KDM4C: variants seen among roughly 807,000 people sequenced by gnomAD.
The protein encoded by KDM4C is lysine-specific demethylase 4C.
A neutral mutation model predicts 129.3 loss-of-function variants in KDM4C; 81 were observed. The ratio of observed to expected loss-of-function variants is 0.63; its 90% CI spans 0.52 to 0.75. KDM4C has a LOEUF of 0.75. Among genes scored for constraint, KDM4C ranks in the 30% least tolerant of loss-of-function variants. KDM4C has a pLI of 0.00. For missense variants in KDM4C, 1,457 were observed against 1,304.0 expected (o/e 1.12, Z -1.81); for synonymous variants, 573 against 456.1 (o/e 1.26, Z -3.26).
chr9:6,919,533 GTCTGTCTGTCTGTCTA>G (rs1264176072), intron 8 of KDM4C, among the ~76,000 whole-genome samples: 1,668 of 58,554 alleles, frequency 0.028, 35 homozygotes, highest in African/African-American at 0.085. Context: ...AATTTCATCT[GTCTGTCTGTCTGTCTA>G]TCTATCTATC....
intron 20 of KDM4C, among the ~76,000 whole-genome samples, chr9:7,166,823 A>G (rs1449011012): frequency 6.6e-6 from 1 of 152,250 alleles, no homozygotes; most frequent in East Asian, 1.9e-4. Flanking sequence ...ATGGTCTATC[A>G]ACATAAAACT....
intron 1 of KDM4C, among the ~76,000 whole-genome samples, chr9:6,748,362 C>T (rs1200993748): frequency 6.6e-6 from 1 of 151,590 alleles, no homozygotes. Flanking sequence ...ACAAAATTAG[C>T]CAGGAGTGGT....
intron 3 of KDM4C, among the ~76,000 whole-genome samples, chr9:6,807,288 T>G (rs1830177620): frequency 1.3e-5 from 2 of 151,820 alleles, no homozygotes; most frequent in South Asian, 2.1e-4. Context: ...GATTGCAGCC[T>G]CTGCCCAGCC....
intron 5 of KDM4C, among the ~76,000 whole-genome samples, chr9:6,870,248 C>G (rs904847615): frequency 7.2e-5 from 11 of 151,998 alleles, no homozygotes; most frequent in African/African-American, 2.7e-4. Flanking sequence ...ATGCCATTGT[C>G]TTTTGCTTGT....
At chr9:6,886,073 T>G (rs1031230312) in intron 6 of KDM4C, among the ~76,000 whole-genome samples, 3 of 152,224 alleles carry the variant, frequency 2.0e-5, no homozygotes, top group Non-Finnish European at 4.4e-5. Context: ...GAATTGTTTA[T>G]AAAAACGTTC....
chr9:7,169,682 T>A, intron 20 of KDM4C, 116 bp from the exon 21 acceptor site: 1 of 788,922 alleles, frequency 1.3e-6, no homozygotes, highest in Non-Finnish European at 2.0e-6. Flanking sequence ...TGTTGGCTGG[T>A]TCCCTTGTTT....
intron 1 of KDM4C, among the ~76,000 whole-genome samples, chr9:6,741,781 T>G (rs1817705960): frequency 6.6e-6 from 1 of 151,102 alleles, no homozygotes; most frequent in Non-Finnish European, 1.5e-5. Context: ...TTTCCCAGGC[T>G]GATTTTGAAC....
intron 1 of KDM4C, among the ~76,000 whole-genome samples, chr9:6,773,398 T>C (rs1420882412): frequency 6.6e-6 from 1 of 152,110 alleles, no homozygotes; most frequent in Non-Finnish European, 1.5e-5. Flanking sequence ...TGTTATAGTT[T>C]ATGATTATTT....
chr9:6,744,351 G>T (rs765544533), intron 1 of KDM4C, among the ~76,000 whole-genome samples: 2 of 151,858 alleles, frequency 1.3e-5, no homozygotes, highest in African/African-American at 2.4e-5. Flanking sequence ...TGGTGAAACC[G>T]CATCTCTACT....
Position 6,869,836 on chromosome 9 carries a change from C to T in KDM4C, c.630-10176C>T, listed in dbSNP as rs78631784. 3.2e-4 allele frequency among the ~76,000 whole-genome samples: 49 copies of T among 152,348 alleles called. No individual in the cohort carries two copies. The East Asian group carries it at 7.7e-3, about 24-fold the overall frequency. On this transcript the variant is annotated intron_variant, in intron 5 of 21. Coordinates refer to ENST00000381309, the MANE Select transcript of KDM4C (RefSeq NM_015061.6). ...CTATAGCCATGCTTTCTGTTCCTCA[C>T]GTTCATCTGTTTTTAAGAACTGAAA...
intron 17 of KDM4C, among the ~76,000 whole-genome samples, chr9:7,069,997 T>G (rs1832973844): frequency 6.6e-6 from 1 of 152,262 alleles, no homozygotes; most frequent in South Asian, 2.1e-4. Flanking sequence ...TTTAAGTCAT[T>G]AGTGGAGATA....
At chr9:7,073,858 T>TA (rs778622378) in intron 17 of KDM4C, among the ~76,000 whole-genome samples, 2 of 152,212 alleles carry the variant, frequency 1.3e-5, no homozygotes, top group East Asian at 3.8e-4. Context: ...CAGAGACAGC[T>TA]AAAAGCCTCA....
intron 5 of KDM4C, among the ~76,000 whole-genome samples, chr9:6,862,839 C>CAAACAAA (rs1422210195): frequency 3.4e-5 from 5 of 149,220 alleles, no homozygotes; most frequent in African/African-American, 1.2e-4. Context: ...AACAAACAAA[C>CAAACAAA]AAAAAACAAA....
At chr9:7,049,319 AC>A (rs1829835907) in intron 17 of KDM4C, 119 bp downstream of exon 17, 5 of 506,016 alleles carry the variant, frequency 9.9e-6, no homozygotes, top group Non-Finnish European at 1.8e-5. Flanking sequence ...TTATTTTTCT[AC>A]CCTTATTTTC....
chr9:6,762,974 T>G (rs1819861594), intron 1 of KDM4C, among the ~76,000 whole-genome samples: 1 of 151,906 alleles, frequency 6.6e-6, no homozygotes, highest in Admixed American at 6.6e-5. Context: ...CATTGTCTTT[T>G]TTACTCCCCG....
Position 7,013,777 on chromosome 9 carries a change from A to G in KDM4C, c.1969-11A>G. The G allele has an allele frequency of 1.2e-6, 2 of 1,612,822 alleles. No homozygotes were observed. Among genetic ancestry groups the G allele is most frequent in the Non-Finnish European group, 8.5e-7 (1 of 1,179,274 alleles). On this transcript the variant is annotated splice_polypyrimidine_tract_variant and intron_variant, in intron 13 of 21. Coordinates refer to ENST00000381309, the MANE Select transcript of KDM4C (RefSeq NM_015061.6). ...TGTTTTTCACTCATGTGGAAACGTT[A>G]TGTTTTTCAGCCAGATAGCAGCAAT... is the stretch of plus-strand genomic sequence containing the variant.
At chr9:7,060,057 C>A (rs369745723) in intron 17 of KDM4C, among the ~76,000 whole-genome samples, 1 of 152,078 alleles carries the variant, frequency 6.6e-6, no homozygotes, top group Non-Finnish European at 1.5e-5. Flanking sequence ...ATCCTTTCTT[C>A]TTCAATCCAG....
intron 5 of KDM4C, among the ~76,000 whole-genome samples, chr9:6,861,056 A>G (rs1840834892): frequency 6.6e-6 from 1 of 152,258 alleles, no homozygotes; most frequent in Non-Finnish European, 1.5e-5. Flanking sequence ...CCCAAGGCAC[A>G]GGCAGTAGGT....
intron 8 of KDM4C, among the ~76,000 whole-genome samples, chr9:6,941,155 C>G (rs1383956445): frequency 6.6e-6 from 1 of 152,036 alleles, no homozygotes; most frequent in Non-Finnish European, 1.5e-5. Flanking sequence ...CTCAGCCTCC[C>G]AAGCCACCAT....
Sources: allele counts gnomAD v4.1 joint callset (sites outside exome capture counted in the v4.1 genomes callset), GRCh38; gene constraint gnomAD v4.1.1; transcripts MANE v1.5; gene names NCBI Gene and HGNC (gene_info 2026-07-23, HGNC 2026-07-21).